ASIC2: variants seen among roughly 807,000 people sequenced by gnomAD.
The protein encoded by ASIC2 is acid-sensing ion channel 2.
Under a neutral mutation model 57.3 loss-of-function variants are expected in ASIC2, and 25 were observed. The observed-to-expected ratio is 0.44, with a 90% CI of 0.32 to 0.61. The LOEUF (loss-of-function observed/expected upper bound fraction) is 0.61, where lower values mean the gene tolerates loss of function less well. Among genes scored for constraint, ASIC2 ranks in the 20% least tolerant of loss-of-function variants. The probability of loss-of-function intolerance (pLI) is 0.06; values close to 1 mark genes in which losing one functional copy is unlikely to be tolerated. For missense variants in ASIC2, 641 were observed against 738.1 expected, an observed-to-expected ratio of 0.87 and a Z score of 1.52; for synonymous variants, 319 against 307.5, an observed-to-expected ratio of 1.04 and a Z score of -0.39.
intron 1 of ASIC2, among the ~76,000 whole-genome samples, chr17:33,446,137 G>A (rs1478933586): frequency 6.6e-6 from 1 of 152,026 alleles, no homozygotes; most frequent in Non-Finnish European, 1.5e-5. Context: ...TTAAGAAACT[G>A]AACTTACCCC....
intron 3 of ASIC2, among the ~76,000 whole-genome samples, chr17:33,032,357 G>T (rs1393986577): frequency 1.3e-5 from 2 of 150,372 alleles, no homozygotes; most frequent in African/African-American, 4.9e-5. Context: ...TTAATATTAT[G>T]CCAGTTCACA....
chr17:33,979,751 A>G (rs371278371), intron 1 of ASIC2, among the ~76,000 whole-genome samples: 4 of 152,354 alleles, frequency 2.6e-5, no homozygotes, highest in East Asian at 1.9e-4. Flanking sequence ...TCAAGGTGAC[A>G]TCACTTATAA....
At chr17:34,084,917 A>G (rs1345643309) in intron 1 of ASIC2, among the ~76,000 whole-genome samples, 2 of 152,208 alleles carry the variant, frequency 1.3e-5, no homozygotes, top group Non-Finnish European at 2.9e-5. Flanking sequence ...GAAGTTGCCT[A>G]TCAGCTTAAG....
At chr17:34,010,994 T>TGAACACACACACACACACACACA (rs1906701362) in intron 1 of ASIC2, among the ~76,000 whole-genome samples, 2 of 1,648 alleles carry the variant, frequency 1.2e-3, no homozygotes, top group Admixed American at 8.8e-3. Context: ...ATACCTCTAG[T>TGAACACACACACACACACACACA]CAGACACACA....
At chr17:33,812,448 A>C (rs1465563277) in intron 1 of ASIC2, among the ~76,000 whole-genome samples, 2 of 152,178 alleles carry the variant, frequency 1.3e-5, no homozygotes, top group Non-Finnish European at 1.5e-5. Context: ...AGAGCAAGAC[A>C]ATAAGATGCT....
chr17:33,201,187 A>T (rs906977792), intron 1 of ASIC2, among the ~76,000 whole-genome samples: 1 of 152,100 alleles, frequency 6.6e-6, no homozygotes, highest in Non-Finnish European at 1.5e-5. Flanking sequence ...ATCTCCTCCA[A>T]GCAGTGAGGA....
intron 1 of ASIC2, among the ~76,000 whole-genome samples, chr17:33,945,829 G>A (rs966081194): frequency 2.6e-5 from 4 of 152,208 alleles, no homozygotes; most frequent in African/African-American, 9.7e-5. Flanking sequence ...GCAGCAGGCA[G>A]TCTCAGAAAC....
chr17:33,354,406 C>T (rs1489190985), intron 1 of ASIC2, among the ~76,000 whole-genome samples: 1 of 152,184 alleles, frequency 6.6e-6, no homozygotes, highest in African/African-American at 2.4e-5. Context: ...ACCTCCACTG[C>T]AGCCAGCATG....
chr17:33,520,684 A>C (rs1914714634), intron 1 of ASIC2, among the ~76,000 whole-genome samples: 1 of 152,202 alleles, frequency 6.6e-6, no homozygotes, highest in South Asian at 2.1e-4. Context: ...TGGGGCTATG[A>C]AGGGTGGAGG....
At chr17:33,940,517 A>G (rs1158670595) in intron 1 of ASIC2, among the ~76,000 whole-genome samples, 1 of 150,118 alleles carries the variant, frequency 6.7e-6, no homozygotes, top group South Asian at 2.1e-4. Flanking sequence ...TCCCTCCTTC[A>G]CTCCACATCC....
chr17:33,671,413 G>A (rs1907636141), intron 1 of ASIC2, among the ~76,000 whole-genome samples: 1 of 152,170 alleles, frequency 6.6e-6, no homozygotes, highest in Non-Finnish European at 1.5e-5. Context: ...CATCTTATTA[G>A]CTCTGCCCCA....
At chr17:33,464,498 T>TTC (rs1567620936) in intron 1 of ASIC2, among the ~76,000 whole-genome samples, 15 of 38,646 alleles carry the variant, frequency 3.9e-4, no homozygotes, top group African/African-American at 1.1e-3. Flanking sequence ...CTTTCTTTCT[T>TTC]TCTTTCTTTC....
intron 1 of ASIC2, among the ~76,000 whole-genome samples, chr17:34,122,019 C>G (rs974060420): frequency 6.6e-6 from 1 of 152,200 alleles, no homozygotes; most frequent in African/African-American, 2.4e-5. Flanking sequence ...CTGCAGGGAG[C>G]CATCTCTGTA....
intron 1 of ASIC2, among the ~76,000 whole-genome samples, chr17:33,231,385 G>A (rs1908084666): frequency 6.6e-6 from 1 of 152,182 alleles, no homozygotes; most frequent in South Asian, 2.1e-4. Flanking sequence ...AATGCTCATG[G>A]GCATGGCTCA....
chr17:33,767,034 G>A (rs1463685127), intron 1 of ASIC2, among the ~76,000 whole-genome samples: 1 of 152,210 alleles, frequency 6.6e-6, no homozygotes, highest in African/African-American at 2.4e-5. Context: ...CCCTGGACCA[G>A]GCTGCACAGA....
chr17:33,136,925 G>A (rs985008787), intron 1 of ASIC2, among the ~76,000 whole-genome samples: 1 of 152,186 alleles, frequency 6.6e-6, no homozygotes, highest in African/African-American at 2.4e-5. Flanking sequence ...GTACAACCTT[G>A]GGCAAGTTTC....
intron 1 of ASIC2, among the ~76,000 whole-genome samples, chr17:33,754,021 G>A (rs1371651356): frequency 6.6e-6 from 1 of 152,128 alleles, no homozygotes; most frequent in Non-Finnish European, 1.5e-5. Flanking sequence ...ATGTTTCTAT[G>A]CACCTAAAAC....
chr17:33,952,004 T>C (rs1206081316), intron 1 of ASIC2, among the ~76,000 whole-genome samples: 2 of 152,212 alleles, frequency 1.3e-5, no homozygotes. Flanking sequence ...TGGAATTCTA[T>C]TAAATTGCAT....
At chr17:33,345,555 A>C (rs1907910456) in intron 1 of ASIC2, among the ~76,000 whole-genome samples, 1 of 152,234 alleles carries the variant, frequency 6.6e-6, no homozygotes, top group Non-Finnish European at 1.5e-5. Context: ...TTGGGTGGTC[A>C]GACCAGGAGA....
Sources: allele counts gnomAD v4.1 joint callset (sites outside exome capture counted in the v4.1 genomes callset), GRCh38; gene constraint gnomAD v4.1.1; transcripts MANE v1.5; gene names NCBI Gene and HGNC (gene_info 2026-07-23, HGNC 2026-07-21).